Variants in MTHFD2L observed in about 807,000 individuals in gnomAD.
MTHFD2L encodes the protein bifunctional methylenetetrahydrofolate dehydrogenase/cyclohydrolase 2, mitochondrial.
MTHFD2L carries 29 observed loss-of-function variants against 34.9 expected under a neutral mutation model. That is an observed-to-expected ratio of 0.83 (90% confidence interval 0.62 to 1.13). The LOEUF (loss-of-function observed/expected upper bound fraction) is 1.13, where lower values mean the gene tolerates loss of function less well. Ranked by LOEUF, MTHFD2L falls within the 50% of genes most tolerant of loss-of-function variation. The probability of loss-of-function intolerance (pLI) is 0.00; values close to 1 mark genes in which losing one functional copy is unlikely to be tolerated. For synonymous variants in MTHFD2L, 167 were observed against 155.7 expected (o/e 1.07, Z -0.54); for missense variants, 481 against 446.5 (o/e 1.08, Z -0.70).
At chr4:74,295,520 C>T (rs953716386) in intron 7 of MTHFD2L, among the ~76,000 whole-genome samples, 1 of 152,160 alleles carries the variant, frequency 6.6e-6, no homozygotes, top group African/African-American at 2.4e-5. Context: ...CCTTTCCTTT[C>T]ACCCCAGATA....
At chr4:74,295,231 TG>T (rs1479206984) in intron 7 of MTHFD2L, among the ~76,000 whole-genome samples, 1 of 152,114 alleles carries the variant, frequency 6.6e-6, no homozygotes, top group African/African-American at 2.4e-5. Context: ...TCATGTGCTT[TG>T]GTCATAATGA....
chr4:74,138,237 T>C (rs1001693275), intron 1 of MTHFD2L, among the ~76,000 whole-genome samples: 7 of 152,186 alleles, frequency 4.6e-5, no homozygotes, highest in African/African-American at 1.7e-4. Context: ...TTCTTTTCGA[T>C]GTACATCTAT....
At chr4:74,196,975 C>T (rs1374183438) in intron 3 of MTHFD2L, among the ~76,000 whole-genome samples, 1 of 147,782 alleles carries the variant, frequency 6.8e-6, no homozygotes, top group East Asian at 2.0e-4. Context: ...CCATACAAAA[C>T]ATATATTCAT....
At chr4:74,240,392 C>T (rs1017550070) in intron 6 of MTHFD2L, among the ~76,000 whole-genome samples, 10 of 151,904 alleles carry the variant, frequency 6.6e-5, no homozygotes, top group African/African-American at 2.4e-4. Flanking sequence ...AGATAACATA[C>T]AAAGGTATCT....
intron 1 of MTHFD2L, among the ~76,000 whole-genome samples, chr4:74,133,754 A>G (rs1722713946): frequency 6.6e-6 from 1 of 152,210 alleles, no homozygotes; most frequent in South Asian, 2.1e-4. Context: ...GAGTTTCCTT[A>G]AAATTGCTAT....
In MTHFD2L at chr4:74,175,375, C is replaced by A; in HGVS notation, c.423C>A (p.Ser141Arg). Reference protein sequence around the residue: ...TDQLNMDPRVSGILVQLPLPD... With the variant: ...TDQLNMDPRVRGILVQLPLPD... ...AATTGAATATGGACCCAAGAGTCAG[C>A]GGTATATTAGTTCAGTTACCACTAC... Residue 141 changes from serine to arginine, a missense_variant, in exon 3 of 8, where the codon AGC becomes AGA. Transcript: ENST00000325278. The A allele has an allele frequency of 6.2e-7, 1 of 1,611,786 alleles. No individual in the cohort carries two copies. Among genetic ancestry groups the A allele is most frequent in the Non-Finnish European group, 8.5e-7 (1 of 1,178,734 alleles).
chr4:74,210,799 T>C (rs998549719), intron 5 of MTHFD2L, among the ~76,000 whole-genome samples: 1 of 152,212 alleles, frequency 6.6e-6, no homozygotes, highest in South Asian at 2.1e-4. Flanking sequence ...TTTCATGATA[T>C]TGATTCTTCC....
At chr4:74,290,126 G>T (rs1389297128) in intron 7 of MTHFD2L, among the ~76,000 whole-genome samples, 2 of 152,118 alleles carry the variant, frequency 1.3e-5, no homozygotes, top group Non-Finnish European at 2.9e-5. Context: ...TCTCCACCAG[G>T]CAGGAAATCT....
intron 6 of MTHFD2L, among the ~76,000 whole-genome samples, chr4:74,278,920 T>C (rs1032395970): frequency 6.6e-6 from 1 of 152,108 alleles, no homozygotes; most frequent in Non-Finnish European, 1.5e-5. Context: ...AAGACCTCAA[T>C]AGACCTTACA....
intron 6 of MTHFD2L, among the ~76,000 whole-genome samples, chr4:74,266,302 T>C (rs1410289515): frequency 1.3e-5 from 2 of 152,170 alleles, no homozygotes; most frequent in East Asian, 3.9e-4. Context: ...ATTTGGTCCT[T>C]GTCCAACTGC....
At chr4:74,167,371 C>T (rs1416568126) in intron 1 of MTHFD2L, among the ~76,000 whole-genome samples, 1 of 152,186 alleles carries the variant, frequency 6.6e-6, no homozygotes, top group Non-Finnish European at 1.5e-5. Flanking sequence ...AATGAAAGGC[C>T]ACAGGCTTGT....
At chr4:74,173,156 A>G (rs1001920624) in intron 1 of MTHFD2L, among the ~76,000 whole-genome samples, 10 of 152,182 alleles carry the variant, frequency 6.6e-5, no homozygotes, top group Admixed American at 3.9e-4. Context: ...ATGAAAGGAC[A>G]GGGGCAGAAG....
intron 4 of MTHFD2L, 90 bp downstream of exon 4, chr4:74,200,036 T>C (rs1324964718): frequency 2.7e-5 from 31 of 1,167,994 alleles, no homozygotes; most frequent in East Asian, 7.2e-5. Flanking sequence ...CTCAGTCCTA[T>C]AGAGTGACAG....
intron 1 of MTHFD2L, among the ~76,000 whole-genome samples, chr4:74,170,894 T>C (rs915398224): frequency 1.4e-5 from 2 of 144,930 alleles, no homozygotes; most frequent in Non-Finnish European, 3.0e-5. Context: ...AACCAAACAC[T>C]GCATGTTCTC....
At chr4:74,253,253 A>G (rs1223849140) in intron 6 of MTHFD2L, among the ~76,000 whole-genome samples, 1 of 152,150 alleles carries the variant, frequency 6.6e-6, no homozygotes, top group African/African-American at 2.4e-5. Flanking sequence ...CAAAATATAT[A>G]TGTTCATCTG....
intron 6 of MTHFD2L, among the ~76,000 whole-genome samples, chr4:74,225,659 G>A (rs1438299350): frequency 6.6e-6 from 1 of 152,122 alleles, no homozygotes; most frequent in African/African-American, 2.4e-5. Flanking sequence ...TTGCTTTGAC[G>A]AACATGGTTT....
At chr4:74,170,708 CAAAG>C (rs1475876281) in intron 1 of MTHFD2L, among the ~76,000 whole-genome samples, 1 of 151,652 alleles carries the variant, frequency 6.6e-6, no homozygotes, top group East Asian at 1.9e-4. Context: ...CTAGGATACA[CAAAG>C]AACTTTAAAA....
intron 1 of MTHFD2L, among the ~76,000 whole-genome samples, chr4:74,134,316 C>T (rs200900770): frequency 6.6e-6 from 1 of 152,124 alleles, no homozygotes; most frequent in Non-Finnish European, 1.5e-5. Context: ...CCACAAGTCC[C>T]CTGGGAACAC....
At chr4:74,183,802 A>G (rs1288324340) in intron 3 of MTHFD2L, 1 of 82,800 alleles carries the variant, frequency 1.2e-5, no homozygotes, top group Non-Finnish European at 3.4e-5. Context: ...TATATATGTT[A>G]TAATATATTG....
Sources: allele counts gnomAD v4.1 joint callset (sites outside exome capture counted in the v4.1 genomes callset), GRCh38; gene constraint gnomAD v4.1.1; transcripts MANE v1.5; gene names NCBI Gene and HGNC (gene_info 2026-07-23, HGNC 2026-07-21).